STAC: variants seen among roughly 807,000 people sequenced by gnomAD.
STAC encodes the protein SH3 and cysteine-rich domain-containing protein.
In STAC, 43 loss-of-function variants were observed where a neutral mutation model predicts 48.8. The observed-to-expected ratio is 0.88, with a 90% confidence interval of 0.69 to 1.14. STAC has a LOEUF of 1.14. Among genes scored for constraint, STAC ranks in the 50% most tolerant of loss-of-function variants. The probability of loss-of-function intolerance (pLI) is 0.00; values close to 1 mark genes in which losing one functional copy is unlikely to be tolerated. For synonymous variants in STAC, 193 were observed against 179.5 expected (o/e 1.07, Z -0.60); for missense variants, 497 against 504.0 (o/e 0.99, Z 0.13).
At chr3:36,499,762 G>A (rs1283467318) in intron 6 of STAC, among the ~76,000 whole-genome samples, 1 of 150,626 alleles carries the variant, frequency 6.6e-6, no homozygotes, top group Non-Finnish European at 1.5e-5. Context: ...AAAAACAAAA[G>A]TTTTTTTTTA....
intron 1 of STAC, among the ~76,000 whole-genome samples, chr3:36,412,329 C>A (rs139478708): frequency 6.6e-6 from 1 of 152,232 alleles, no homozygotes; most frequent in East Asian, 1.9e-4. Flanking sequence ...GCAAAACTCT[C>A]GAGAAATCTA....
intron 10 of STAC, among the ~76,000 whole-genome samples, chr3:36,534,008 A>G (rs949094300): frequency 2.6e-5 from 4 of 152,200 alleles, no homozygotes; most frequent in African/African-American, 9.6e-5. Flanking sequence ...TTCAAAGAAA[A>G]AAATGCTTTT....
chr3:36,387,187 A>G (rs1358363743), intron 1 of STAC, among the ~76,000 whole-genome samples: 1 of 152,088 alleles, frequency 6.6e-6, no homozygotes, highest in Admixed American at 6.6e-5. Context: ...CCACCTTAAG[A>G]CTAAACTAAG....
chr3:36,521,771 C>T (rs1164839643), intron 8 of STAC, among the ~76,000 whole-genome samples: 1 of 152,002 alleles, frequency 6.6e-6, no homozygotes, highest in Admixed American at 6.6e-5. Flanking sequence ...AATTTTAAGC[C>T]CTACTGTATA....
intron 1 of STAC, among the ~76,000 whole-genome samples, chr3:36,398,312 A>AAAGAAAGCAAGAAAGCAAGAAAGC (rs1165549941): frequency 1.9e-5 from 2 of 105,856 alleles, no homozygotes; most frequent in Admixed American, 2.0e-4. Context: ...AGAAAGAAAG[A>AAAGAAAGCAAGAAAGCAAGAAAGC]AAGAAAGCAA....
At chr3:36,519,913 G>C (rs778528586) in intron 8 of STAC, among the ~76,000 whole-genome samples, 15 of 152,132 alleles carry the variant, frequency 9.9e-5, no homozygotes, top group Non-Finnish European at 2.1e-4. Context: ...GGTAATAACT[G>C]ACTATATTCC....
At chr3:36,479,693 T>C (rs34135865) in intron 2 of STAC, among the ~76,000 whole-genome samples, 15,387 of 152,262 alleles carry the variant, frequency 0.1, 999 homozygotes, top group Admixed American at 0.18. Flanking sequence ...CCAGAAATAC[T>C]AGTAGTTTTC....
rs770634829 is a variant in STAC at position 36,486,209 on chromosome 3, G to A, written c.647G>A (p.Gly216Asp). 5 of 1,613,956 alleles carry A rather than the reference G, an allele frequency of 3.1e-6. No individual in the cohort carries two copies. Among genetic ancestry groups the A allele is most frequent in the Admixed American group, 3.3e-5 (2 of 60,002 alleles). ...TCCCTGGCCCAGAGGACAAAGAAGGGCAGCTCCGGCAGTGGCTCTGACTCA... is the reference window on the plus strand; with the variant it reads ...TCCCTGGCCCAGAGGACAAAGAAGGACAGCTCCGGCAGTGGCTCTGACTCA... ...GTSLAQRTKK[G>D]SSGSGSDSPH... Residue 216 changes from glycine (G) to aspartate (D), a missense_variant, in exon 5 of 11, where the codon GGC becomes GAC. Transcript: ENST00000273183.
intron 2 of STAC, among the ~76,000 whole-genome samples, chr3:36,475,133 AATC>A (rs1437384589): frequency 6.6e-6 from 1 of 152,138 alleles, no homozygotes; most frequent in Non-Finnish European, 1.5e-5. Context: ...GAAGGGGAAA[AATC>A]ATGCTCAGTG....
chr3:36,397,220 T>A (rs1699873811), intron 1 of STAC, among the ~76,000 whole-genome samples: 1 of 152,192 alleles, frequency 6.6e-6, no homozygotes, highest in Non-Finnish European at 1.5e-5. Flanking sequence ...GAGTTCCTGA[T>A]AGATTTGAAA....
Position 36,476,742 on chromosome 3 carries a change from C to CTGTT in STAC, c.389-6247_389-6244dup, listed in dbSNP as rs901768709. On this transcript the variant is annotated intron_variant, in intron 2 of 10. Transcript: ENST00000273183. ...AGTACTGACTCTGTCATCATTATTACTGTTTGCATCATCCTTAGCCCTTAA... is the reference window on the plus strand; with the variant it reads ...AGTACTGACTCTGTCATCATTATTACTGTTTGTTTGCATCATCCTTAGCCCTTAA... Among the ~76,000 whole-genome samples the CTGTT allele has an allele frequency of 1.1e-3, 162 of 152,332 alleles. 1 individual carries two copies. The highest frequency in any genetic ancestry group is 3.4e-3 in the African/African-American group (140 of 41,566).
At chr3:36,387,881 T>A (rs1029330316) in intron 1 of STAC, among the ~76,000 whole-genome samples, 1 of 152,120 alleles carries the variant, frequency 6.6e-6, no homozygotes, top group East Asian at 1.9e-4. Context: ...ATCTGGTGAT[T>A]CTATGTTTAA....
Position 36,504,398 on chromosome 3 carries a change from A to T in STAC, c.772A>T (p.Thr258Ser). 6.2e-7 allele frequency: 1 copy of T among 1,613,110 alleles called. No individual in the cohort carries two copies. Among genetic ancestry groups the T allele is most frequent in the Non-Finnish European group, 8.5e-7 (1 of 1,179,330 alleles). ...DLRKRSNSVF[T>S]YPENGTDDFR... ...CTTTCTCTTGTCTCCTTCAGTGTTT[A>T]CATATCCAGAAAATGGCACTGATGA... is the stretch of plus-strand genomic sequence containing the variant. Residue 258 changes from threonine (T) to serine (S), a missense_variant, in exon 7 of 11, where the codon ACA (threonine) becomes TCA (serine). Thr to Ser is a moderately conservative substitution (Grantham distance 58, BLOSUM62 1). Transcript: ENST00000273183.
Position 36,534,991 on chromosome 3 carries a change from T to C in STAC, c.1110+6006T>C, listed in dbSNP as rs1401997112. Among the ~76,000 whole-genome samples the C allele has an allele frequency of 2.6e-5, 4 of 152,190 alleles. No homozygotes were observed. The South Asian group carries it at 6.2e-4, about 24-fold the overall frequency. On this transcript the variant is annotated intron_variant, in intron 10 of 10. Transcript: ENST00000273183. Reference sequence around the variant, plus strand: ...TTTTAAATTTTAAAATGTATCCTTATTAAATCGACTTTAAAATACCATAAA... The same window carrying C: ...TTTTAAATTTTAAAATGTATCCTTACTAAATCGACTTTAAAATACCATAAA...
chr3:36,513,849 A>AG (rs1158978721), intron 8 of STAC, among the ~76,000 whole-genome samples: 7 of 151,858 alleles, frequency 4.6e-5, no homozygotes, highest in East Asian at 1.9e-4. Flanking sequence ...AGGGAGCAAA[A>AG]GGGGGGGAGG....
intron 1 of STAC, among the ~76,000 whole-genome samples, chr3:36,387,863 G>T (rs1699650990): frequency 6.6e-6 from 1 of 152,094 alleles, no homozygotes; most frequent in Non-Finnish European, 1.5e-5. Flanking sequence ...AAGTGCAATT[G>T]CTGGATCATC....
intron 10 of STAC, among the ~76,000 whole-genome samples, chr3:36,543,656 G>C (rs1699379910): frequency 6.6e-6 from 1 of 152,122 alleles, no homozygotes; most frequent in African/African-American, 2.4e-5. Flanking sequence ...GAACCTCAGT[G>C]GTGTTTTTGC....
chr3:36,474,826 A>G (rs1056677652), intron 2 of STAC, among the ~76,000 whole-genome samples: 7 of 152,224 alleles, frequency 4.6e-5, no homozygotes, highest in African/African-American at 1.7e-4. Flanking sequence ...TTCTTTTATT[A>G]ATAAAGCGAG....
chr3:36,399,628 GC>G (rs1264171418), intron 1 of STAC, among the ~76,000 whole-genome samples: 2 of 152,144 alleles, frequency 1.3e-5, no homozygotes, highest in African/African-American at 4.8e-5. Flanking sequence ...CAGCTGCCCT[GC>G]TCTCCTAAGA....
Sources: allele counts gnomAD v4.1 joint callset (sites outside exome capture counted in the v4.1 genomes callset), GRCh38; gene constraint gnomAD v4.1.1; transcripts MANE v1.5; gene names NCBI Gene and HGNC (gene_info 2026-07-23, HGNC 2026-07-21).